The following RASGRP1 variants were observed in gnomAD, a reference collection of about 807,000 sequenced individuals.
RASGRP1 encodes RAS guanyl-releasing protein 1.
In RASGRP1, 37 loss-of-function variants were observed where a neutral mutation model predicts 95.1. The ratio of observed to expected loss-of-function variants is 0.39; its 90% confidence interval spans 0.30 to 0.51. The LOEUF is 0.51. RASGRP1 is among the 20% of genes least tolerant of loss of function. RASGRP1 has a pLI of 0.80. For synonymous variants in RASGRP1, 325 were observed against 353.4 expected, an observed-to-expected ratio of 0.92 and a Z score of 0.90; for missense variants, 711 against 965.4, an observed-to-expected ratio of 0.74 and a Z score of 3.49.
In RASGRP1 at chr15:38,523,716, T is replaced by G. The variant is rs188361218; in HGVS notation, c.326+2583A>C. On this transcript the variant is annotated intron_variant, in intron 3 of 16. Coordinates refer to ENST00000310803, the MANE Select transcript of RASGRP1 (RefSeq NM_005739.4). ...CTATACATATCATTTTTTAATCTTT[T>G]ATACCATATTTTTACTGTACTTTTT... 2.8e-3 allele frequency among the ~76,000 whole-genome samples: 432 copies of G among 152,294 alleles called. 4 individuals are homozygous for G. The highest frequency in any genetic ancestry group is 4.6e-3 in the Non-Finnish European group (315 of 68,016).
At chr15:38,503,032 T>C in intron 11 of RASGRP1, 1 of 552,880 alleles carries the variant, frequency 1.8e-6, no homozygotes, top group South Asian at 2.4e-5. Flanking sequence ...ACTGACAACC[T>C]TTAAGCATAT....
chr15:38,554,628 C>T (rs376274194), intron 2 of RASGRP1, among the ~76,000 whole-genome samples: 36 of 152,292 alleles, frequency 2.4e-4, no homozygotes, highest in African/African-American at 7.7e-4. Flanking sequence ...GGCAGACCAG[C>T]GTGGAGAACT....
chr15:38,531,283 G>C (rs990749142), intron 2 of RASGRP1, among the ~76,000 whole-genome samples: 23 of 152,316 alleles, frequency 1.5e-4, no homozygotes, highest in African/African-American at 5.5e-4. Context: ...TCTGATTCCA[G>C]AGCCCCTTCT....
intron 6 of RASGRP1, among the ~76,000 whole-genome samples, chr15:38,514,626 C>A (rs1231049419): frequency 6.6e-6 from 1 of 152,144 alleles, no homozygotes; most frequent in African/African-American, 2.4e-5. Flanking sequence ...CAAAAAAACC[C>A]TGAGATAGTC....
At chr15:38,548,872 G>A (rs1025673618) in intron 2 of RASGRP1, among the ~76,000 whole-genome samples, 1 of 152,210 alleles carries the variant, frequency 6.6e-6, no homozygotes, top group African/African-American at 2.4e-5. Flanking sequence ...TCCATCTCAG[G>A]TAGACACTGG....
In RASGRP1 at chr15:38,539,746, A is replaced by G. The variant is rs1402845446; in HGVS notation, c.221-13342T>C. 2.6e-5 allele frequency among the ~76,000 whole-genome samples: 4 copies of G among 151,776 alleles called. No homozygotes were observed. The East Asian group carries it at 7.8e-4, about 29-fold the overall frequency. ...CTCCTCCCACCCCACAACAGTCCCC[A>G]GAGTGTGATGTTCCCCTTCCTGTGT... On this transcript the variant is annotated intron_variant, in intron 2 of 16. Coordinates refer to ENST00000310803, the MANE Select transcript of RASGRP1 (RefSeq NM_005739.4).
At chr15:38,559,682 C>T in intron 2 of RASGRP1, 139 bp downstream of exon 2, 1 of 870,272 alleles carries the variant, frequency 1.1e-6, no homozygotes, top group South Asian at 1.8e-5. Flanking sequence ...GCTCTGCAGA[C>T]TGTCTCCAAC....
chr15:38,554,750 T>C (rs1893483889), intron 2 of RASGRP1, among the ~76,000 whole-genome samples: 1 of 152,208 alleles, frequency 6.6e-6, no homozygotes, highest in Non-Finnish European at 1.5e-5. Context: ...TGGGAGCTGC[T>C]CTGATGACTA....
intron 2 of RASGRP1, among the ~76,000 whole-genome samples, chr15:38,533,253 A>T (rs1892517453): frequency 6.6e-6 from 1 of 152,178 alleles, no homozygotes; most frequent in Non-Finnish European, 1.5e-5. Flanking sequence ...CTAGGATCAG[A>T]AAACCTAGGG....
At chr15:38,513,816 CCAACTCTTCCCTTCT>C (rs925724570) in intron 6 of RASGRP1, among the ~76,000 whole-genome samples, 4 of 152,190 alleles carry the variant, frequency 2.6e-5, no homozygotes, top group Non-Finnish European at 4.4e-5. Context: ...CCAATTATTT[CCAACTCTTCCCTTCT>C]CAACTCTTCC....
At chr15:38,510,709 C>G (rs1891475373) in intron 8 of RASGRP1, among the ~76,000 whole-genome samples, 1 of 152,180 alleles carries the variant, frequency 6.6e-6, no homozygotes. Flanking sequence ...CCTGTAATTC[C>G]AATACTTTAG....
At chr15:38,532,930 G>A (rs114517233) in intron 2 of RASGRP1, among the ~76,000 whole-genome samples, 18 of 152,170 alleles carry the variant, frequency 1.2e-4, no homozygotes, top group African/African-American at 4.3e-4. Flanking sequence ...TGCAGACCCT[G>A]CTCCTTGCTG....
intron 2 of RASGRP1, among the ~76,000 whole-genome samples, chr15:38,542,926 T>C (rs1892961246): frequency 1.4e-5 from 2 of 146,948 alleles, no homozygotes; most frequent in Non-Finnish European, 3.0e-5. Flanking sequence ...TGTGTGTATA[T>C]ATATGTGTGT....
chr15:38,563,162 T>A (rs893998906), intron 1 of RASGRP1, among the ~76,000 whole-genome samples: 50 of 152,218 alleles, frequency 3.3e-4, no homozygotes, highest in African/African-American at 1.2e-3. Flanking sequence ...AATCCTCAAA[T>A]CGTTCTGCCT....
Position 38,564,607 on chromosome 15 carries a change from T to C in RASGRP1, c.22A>G (p.Arg8Gly). The part of the protein sequence containing the change: MGTLGKA[R>G]EAPRKPSHGC... ...GCCTCTACTCACCGCGGAGCCTCTCTCGCCTTGCCCAGGGTGCCCATGGCC... is the reference window on the plus strand; with the variant it reads ...GCCTCTACTCACCGCGGAGCCTCTCCCGCCTTGCCCAGGGTGCCCATGGCC... Residue 8 changes from arginine to glycine, a missense_variant, in exon 1 of 17, where the codon AGA becomes GGA. Coordinates refer to ENST00000310803, the MANE Select transcript of RASGRP1 (RefSeq NM_005739.4). 7 of 1,380,048 alleles carry C rather than the reference T, an allele frequency of 5.1e-6. No homozygotes were observed. The highest frequency in any genetic ancestry group is 6.6e-6 in the Non-Finnish European group (7 of 1,055,064). The allele number at this position is 1,380,048 out of a possible 1,614,324, so 85.5% of individuals were successfully genotyped here.
chr15:38,501,472 G>A (rs933498268), intron 12 of RASGRP1, 185 bp from the exon 13 acceptor site: 4 of 781,512 alleles, frequency 5.1e-6, no homozygotes, highest in Non-Finnish European at 8.7e-6. Flanking sequence ...CATGTGGTAA[G>A]TAGGTAAGGC....
intron 2 of RASGRP1, among the ~76,000 whole-genome samples, chr15:38,550,240 G>A (rs1163160020): frequency 4.9e-5 from 4 of 82,158 alleles, no homozygotes; most frequent in Admixed American, 1.5e-4. Flanking sequence ...AGACTCTGTC[G>A]CCAAAAAAAA....
chr15:38,532,825 T>A (rs1892497834), intron 2 of RASGRP1, among the ~76,000 whole-genome samples: 1 of 152,224 alleles, frequency 6.6e-6, no homozygotes, highest in Non-Finnish European at 1.5e-5. Context: ...TGAAAACTGC[T>A]GTTATTGCCT....
chr15:38,503,597 T>A (rs898794226), intron 10 of RASGRP1: 9 of 550,440 alleles, frequency 1.6e-5, no homozygotes, highest in Non-Finnish European at 2.9e-5. Context: ...ACATACATTA[T>A]CTGCAGCTAC....
Sources: gnomAD v4.1 joint callset for allele counts (sites outside exome capture counted in the v4.1 genomes callset) on GRCh38, gnomAD v4.1.1 for gene constraint, MANE v1.5 for transcripts, NCBI Gene and HGNC (gene_info 2026-07-23, HGNC 2026-07-21) for gene names.